The following MAF variants were observed in gnomAD, a reference collection of about 807,000 sequenced individuals.
MAF encodes MAF bZIP transcription factor.
In MAF, 10 loss-of-function variants were observed where a neutral mutation model predicts 22.0. The ratio of observed to expected loss-of-function variants is 0.45; its 90% CI spans 0.28 to 0.77. The LOEUF (loss-of-function observed/expected upper bound fraction) is 0.77, where lower values mean the gene tolerates loss of function less well. MAF is among the 30% of genes least tolerant of loss of function. The pLI is 0.12. For missense variants in MAF, 544 were observed against 548.4 expected (o/e 0.99, Z 0.08); for synonymous variants, 337 against 255.8 (o/e 1.32, Z -3.03).
the MAF span, among the ~76,000 whole-genome samples, chr16:79,208,136 G>A: frequency 2.6e-5 from 4 of 152,264 alleles, no homozygotes; most frequent in Non-Finnish European, 4.4e-5. Flanking sequence ...AGAGTCCTGG[G>A]TAATTTTACA....
At chr16:79,511,363 AAGAG>A in the MAF span, among the ~76,000 whole-genome samples, 1 of 152,144 alleles carries the variant, frequency 6.6e-6, no homozygotes, top group Non-Finnish European at 1.5e-5. Context: ...GAGAGAGAGA[AAGAG>A]AGAGAGGGAA....
the MAF span, among the ~76,000 whole-genome samples, chr16:79,498,251 G>A: frequency 1.3e-5 from 2 of 152,198 alleles, no homozygotes; most frequent in East Asian, 1.9e-4. Context: ...AAAGGGCCAC[G>A]TGGTCTCCAT....
At chr16:79,376,647 A>C in the MAF span, among the ~76,000 whole-genome samples, 1 of 152,072 alleles carries the variant, frequency 6.6e-6, no homozygotes, top group Non-Finnish European at 1.5e-5. Context: ...ATTTAGCATT[A>C]GGTATATCTC....
At chr16:79,225,849 G>C in the MAF span, among the ~76,000 whole-genome samples, 2 of 152,206 alleles carry the variant, frequency 1.3e-5, no homozygotes, top group South Asian at 2.1e-4. Flanking sequence ...ACACCAGTTA[G>C]AATGGTGATC....
At chr16:79,531,607 G>A in the MAF span, among the ~76,000 whole-genome samples, 31,383 of 151,984 alleles carry the variant, frequency 0.21, 3,691 homozygotes, top group Non-Finnish European at 0.28. Context: ...CTCATAAGGA[G>A]GGCACAACCT....
the MAF span, among the ~76,000 whole-genome samples, chr16:79,213,914 A>C: frequency 6.6e-6 from 1 of 152,094 alleles, no homozygotes; most frequent in Non-Finnish European, 1.5e-5. Flanking sequence ...TTCTCTTATA[A>C]TTTGGTCTCC....
At chr16:79,356,295 G>A in the MAF span, among the ~76,000 whole-genome samples, 2 of 151,950 alleles carry the variant, frequency 1.3e-5, no homozygotes, top group Non-Finnish European at 2.9e-5. Flanking sequence ...AGTTTTTCTT[G>A]CAAGCTCTCA....
the MAF span, among the ~76,000 whole-genome samples, chr16:79,491,797 C>G: frequency 0.9 from 137,140 of 152,276 alleles, 61,823 homozygotes; most frequent in East Asian, 1. Context: ...ACTGGCTAGA[C>G]AGATAGGAAG....
At chr16:79,213,026 C>CTT in the MAF span, 1 of 89,396 alleles carries the variant, frequency 1.1e-5, no homozygotes, top group Admixed American at 8.9e-5. Context: ...TTAGCAAGTA[C>CTT]TTAGTGATTA....
the MAF span, among the ~76,000 whole-genome samples, chr16:79,241,085 A>G: frequency 6.6e-6 from 1 of 152,150 alleles, no homozygotes; most frequent in African/African-American, 2.4e-5. Flanking sequence ...AGATGGGGAG[A>G]AATCAGCGCA....
chr16:79,589,962 C>A (rs1009019851), downstream of MAF, among the ~76,000 whole-genome samples: 3 of 152,142 alleles, frequency 2.0e-5, no homozygotes, highest in African/African-American at 7.2e-5. Flanking sequence ...GACTGCAGGC[C>A]CGGCCCAGGA....
the MAF span, among the ~76,000 whole-genome samples, chr16:79,331,380 G>A: frequency 6.6e-6 from 1 of 152,184 alleles, no homozygotes; most frequent in South Asian, 2.1e-4. Context: ...GGGCATCAGA[G>A]TCATTCCAGC....
the MAF span, among the ~76,000 whole-genome samples, chr16:79,566,245 T>C: frequency 6.6e-6 from 1 of 152,150 alleles, no homozygotes; most frequent in South Asian, 2.1e-4. Context: ...ACAATCCCCA[T>C]GCATCAATAT....
the MAF span, chr16:79,205,525 C>G: frequency 6.6e-6 from 1 of 152,288 alleles, no homozygotes; most frequent in South Asian, 2.1e-4. Context: ...AATGGATTCT[C>G]CAGAACACTT....
At chr16:79,366,384 A>G in the MAF span, among the ~76,000 whole-genome samples, 1 of 152,190 alleles carries the variant, frequency 6.6e-6, no homozygotes, top group East Asian at 1.9e-4. Flanking sequence ...TCAAATTCCA[A>G]GTTGTCTTCT....
At chr16:79,526,152 T>C in the MAF span, among the ~76,000 whole-genome samples, 1 of 152,212 alleles carries the variant, frequency 6.6e-6, no homozygotes, top group Non-Finnish European at 1.5e-5. Flanking sequence ...TTCTGAGAAA[T>C]GGCGTTAGAC....
At chr16:79,304,934 T>C in the MAF span, among the ~76,000 whole-genome samples, 1 of 152,116 alleles carries the variant, frequency 6.6e-6, no homozygotes, top group Admixed American at 6.5e-5. Flanking sequence ...TAATAATAAA[T>C]AGGGAGTTTC....
chr16:79,348,245 A>G, the MAF span, among the ~76,000 whole-genome samples: 2 of 152,232 alleles, frequency 1.3e-5, no homozygotes, highest in African/African-American at 4.8e-5. Context: ...AAGCTCAGTA[A>G]TGCTCCTCCA....
At chr16:79,557,100 A>G in the MAF span, among the ~76,000 whole-genome samples, 1 of 151,714 alleles carries the variant, frequency 6.6e-6, no homozygotes, top group South Asian at 2.1e-4. Flanking sequence ...CCACAGCACC[A>G]CAGCACCCAG....
Sources: gnomAD v4.1 joint callset for allele counts (sites outside exome capture counted in the v4.1 genomes callset) on GRCh38, gnomAD v4.1.1 for gene constraint, MANE v1.5 for transcripts, NCBI Gene and HGNC (gene_info 2026-07-23, HGNC 2026-07-21) for gene names.